Variants in MYO1H observed in about 807,000 individuals in gnomAD.
The protein encoded by MYO1H is myosin IH, also known as unconventional myosin-Ih.
In MYO1H, 118 loss-of-function variants were observed where a neutral mutation model predicts 149.3. The observed-to-expected ratio is 0.79, with a 90% CI of 0.68 to 0.92. The LOEUF is 0.92. Among genes scored for constraint, MYO1H ranks in the 40% least tolerant of loss-of-function variants. The pLI, the probability that MYO1H is intolerant of heterozygous loss-of-function variation, is 0.00. For missense variants in MYO1H, 1,212 were observed against 1,280.7 expected, an observed-to-expected ratio of 0.95 and a Z score of 0.82; for synonymous variants, 447 against 465.2, an observed-to-expected ratio of 0.96 and a Z score of 0.50.
chr12:109,443,127 T>TGTGTATATATGTGTAC lies in MYO1H; in HGVS notation c.2689-387_2689-386insGTGTATATATGTGTAC, dbSNP rs1872269134. ...ACGTATATGTGTGTATATGTGTACG[T>TGTGTATATATGTGTAC]ATATATGTGTGTATATGTGTACGTA... On this transcript the variant is annotated intron_variant, in intron 27 of 31. Transcript: ENST00000310903. 1.5e-4 allele frequency among the ~76,000 whole-genome samples: 2 copies of TGTGTATATATGTGTAC among 13,282 alleles called. 1 individual carries two copies. The highest frequency in any genetic ancestry group is 9.1e-4 in the African/African-American group (2 of 2,200). 8.7% of individuals were successfully genotyped at this position (13,282 alleles called of 152,430 possible).
At chr12:109,388,299 A>T (rs79201204) in intron 1 of MYO1H, among the ~76,000 whole-genome samples, 3,842 of 152,318 alleles carry the variant, frequency 0.025, 60 homozygotes, top group Middle Eastern at 0.054. Context: ...TATGTTGTCT[A>T]GGTTCATTTT....
exon 26 of MYO1H, chr12:109,441,675 A>C: frequency 6.2e-7 from 1 of 1,613,288 alleles, no homozygotes; most frequent in Non-Finnish European, 8.5e-7. Flanking sequence ...CTACACAGAA[A>C]GTTTAAATCA....
At chr12:109,389,868 A>C (rs1324723029) in intron 2 of MYO1H, among the ~76,000 whole-genome samples, 1 of 152,184 alleles carries the variant, frequency 6.6e-6, no homozygotes, top group Non-Finnish European at 1.5e-5. Context: ...TATATGTTGA[A>C]ACCAAGGATA....
chr12:109,406,099 C>G, intron 8 of MYO1H, 64 bp downstream of exon 8: 1 of 1,194,794 alleles, frequency 8.4e-7, no homozygotes, highest in Non-Finnish European at 1.2e-6. Context: ...AGCGAGGTAG[C>G]TGGGTGCCCA....
chr12:109,432,926 C>T (rs754895049), exon 20 of MYO1H: 30 of 1,613,984 alleles, frequency 1.9e-5, no homozygotes, highest in South Asian at 1.6e-4. Context: ...GACACCTGGC[C>T]GCACTGGCAC....
intron 1 of MYO1H, among the ~76,000 whole-genome samples, chr12:109,353,262 T>G (rs1051162032): frequency 5.9e-5 from 9 of 151,902 alleles, no homozygotes; most frequent in Admixed American, 5.9e-4. Context: ...GGTATGGTGG[T>G]ACACACCTGT....
chr12:109,393,551 C>CCATCCATCCATCCATCCATCCATT lies in MYO1H; in HGVS notation c.290+128_290+129insTCATCCATCCATCCATCCATCCAT, dbSNP rs1566025323. ...TCTGTCCATCCATTCATCCATCCAT[C>CCATCCATCCATCCATCCATCCATT]CATCCATCCATCCATCCATCCATCC... On this transcript the variant is annotated intron_variant, in intron 3 of 31. Coordinates refer to ENST00000310903, the Ensembl canonical transcript of MYO1H. 5.5e-4 allele frequency: 336 copies of CCATCCATCCATCCATCCATCCATT among 609,968 alleles called. 5 individuals carry two copies. The highest frequency in any genetic ancestry group is 2.5e-3 in the Middle Eastern group (8 of 3,152). The allele number at this position is 609,968 out of a possible 1,614,324, so 37.8% of individuals were successfully genotyped here.
exon 28 of MYO1H, chr12:109,443,590 C>T (rs1872340968): frequency 1.2e-6 from 2 of 1,613,656 alleles, no homozygotes; most frequent in African/African-American, 2.7e-5. Context: ...ACTCAGAAAG[C>T]AGCTTACGTG....
exon 4 of MYO1H, chr12:109,396,423 T>A (rs1042624223): frequency 1.9e-6 from 3 of 1,613,848 alleles, no homozygotes; most frequent in Non-Finnish European, 2.5e-6. Flanking sequence ...TGATGTGTGC[T>A]GAACTAAATA....
intron 21 of MYO1H, among the ~76,000 whole-genome samples, chr12:109,435,336 C>T (rs756797465): frequency 3.6e-5 from 4 of 110,478 alleles, no homozygotes; most frequent in East Asian, 5.4e-4. Flanking sequence ...ATTGTTCCGC[C>T]GTTTCAGTTC....
Position 109,407,864 on chromosome 12 carries a change from G to A in MYO1H, c.1106G>A (p.Arg369Gln), listed in dbSNP as rs201423135. ...GCAATGGCAAAGGCTGTTTATGGAC[G>A]AACGTTTACTTGGCTGGTCAACAAA... The change falls in exon 10 of 32, where the codon CGA (arginine) becomes CAA (glutamine). Residue 369 changes from arginine (R) to glutamine (Q), a missense_variant. Arg to Gln is a conservative substitution (Grantham distance 43). Coordinates refer to ENST00000310903, the Ensembl canonical transcript of MYO1H. 2.5e-4 allele frequency: 405 copies of A among 1,613,846 alleles called. No homozygotes were observed. Among genetic ancestry groups the A allele is most frequent in the Middle Eastern group, 4.9e-4 (3 of 6,084 alleles).
chr12:109,402,937 A>G (rs1409295678), intron 6 of MYO1H, among the ~76,000 whole-genome samples: 1 of 152,166 alleles, frequency 6.6e-6, no homozygotes, highest in Non-Finnish European at 1.5e-5. Flanking sequence ...TTATGGCCAC[A>G]TTAATTCAAC....
At chr12:109,336,013 C>A in the MYO1H span, among the ~76,000 whole-genome samples, 1 of 152,156 alleles carries the variant, frequency 6.6e-6, no homozygotes, top group East Asian at 1.9e-4. Context: ...CAGAGTCTTG[C>A]TCTGTTGCCC....
chr12:109,440,907 C>T lies in MYO1H; in HGVS notation c.2538+80C>T, dbSNP rs1592821297. ...CCTGAGTGTCAGTCCTCCTCATCCA[C>T]CATTTCACCTATAAGCGGGGGTCAT... On this transcript the variant is annotated intron_variant, in intron 25 of 31. Coordinates refer to ENST00000310903, the Ensembl canonical transcript of MYO1H. 3 of 1,019,380 alleles carry T rather than the reference C, an allele frequency of 2.9e-6. No homozygotes were observed. The East Asian group carries it at 7.8e-5, about 27-fold the overall frequency. The allele number at this position is 1,019,380 out of a possible 1,614,324, so 63.1% of individuals were successfully genotyped here. A position where few individuals can be genotyped will look rare whatever the true frequency, so the allele number is the denominator to read the frequency against.
intron 2 of MYO1H, among the ~76,000 whole-genome samples, chr12:109,392,219 C>T (rs1869683869): frequency 1.3e-5 from 2 of 152,204 alleles, no homozygotes; most frequent in Admixed American, 1.3e-4. Flanking sequence ...TCGTGGGAGC[C>T]CACGGAGCCT....
At chr12:109,445,612 G>T in exon 31 of MYO1H, 2 of 1,608,742 alleles carry the variant, frequency 1.2e-6, no homozygotes, top group African/African-American at 1.3e-5. Context: ...AATTAACAGT[G>T]GTGAGTGGCC....
At chr12:109,395,044 G>A (rs1301679099) in intron 3 of MYO1H, among the ~76,000 whole-genome samples, 1 of 152,184 alleles carries the variant, frequency 6.6e-6, no homozygotes, top group Non-Finnish European at 1.5e-5. Flanking sequence ...ATTACAGGGT[G>A]TGAGCCACCA....
rs1026357942 is a variant in MYO1H at position 109,385,200 on chromosome 12, TCGTGTTCCAA to T, written c.13-3479_13-3470del. Among the ~76,000 whole-genome samples the T allele has an allele frequency of 7.6e-4, 116 of 152,318 alleles. 1 individual carries two copies. Among genetic ancestry groups the T allele is most frequent in the African/African-American group, 2.6e-3 (107 of 41,582 alleles). ...AGATAGGATTTGAACTTGGAAATGC[TCGTGTTCCAA>T]CGTCTTAATCATTATGCTATGCTAT... is the stretch of plus-strand genomic sequence containing the variant. On this transcript the variant is annotated intron_variant, in intron 1 of 31. Transcript: ENST00000310903.
chr12:109,354,603 G>C (rs1868542398), intron 1 of MYO1H, among the ~76,000 whole-genome samples: 1 of 129,036 alleles, frequency 7.7e-6, no homozygotes, highest in Non-Finnish European at 1.6e-5. Context: ...CTGGGTGACA[G>C]AGCGAGACTC....
Sources: gnomAD v4.1 joint callset for allele counts (sites outside exome capture counted in the v4.1 genomes callset) on GRCh38, gnomAD v4.1.1 for gene constraint, MANE v1.5 for transcripts, NCBI Gene and HGNC (gene_info 2026-07-23, HGNC 2026-07-21) for gene names.